Variants in UBXN2B observed in about 807,000 individuals in gnomAD.
The protein encoded by UBXN2B is UBX domain-containing protein 2B.
In UBXN2B, 19 loss-of-function variants were observed where a neutral mutation model predicts 37.5. That is an observed-to-expected ratio of 0.51 (90% CI 0.35 to 0.74). UBXN2B has a LOEUF of 0.74. Among genes scored for constraint, UBXN2B ranks in the 30% least tolerant of loss-of-function variants. UBXN2B has a pLI of 0.01. For synonymous variants in UBXN2B, 145 were observed against 143.8 expected (o/e 1.01, Z -0.06); for missense variants, 370 against 393.2 (o/e 0.94, Z 0.50).
intron 2 of UBXN2B, chr8:58,426,305 C>G: frequency 6.2e-6 from 3 of 485,870 alleles, no homozygotes; most frequent in Non-Finnish European, 1.1e-5. Flanking sequence ...CTGCTGGGTT[C>G]ATGCCATTCT....
chr8:58,423,333 C>T (rs1287365892), intron 2 of UBXN2B, among the ~76,000 whole-genome samples: 1 of 152,162 alleles, frequency 6.6e-6, no homozygotes, highest in Non-Finnish European at 1.5e-5. Context: ...GTCTCTCCGC[C>T]AACCTGCTGA....
At chr8:58,428,276 C>G (rs896311602) in intron 2 of UBXN2B, among the ~76,000 whole-genome samples, 1 of 152,190 alleles carries the variant, frequency 6.6e-6, no homozygotes, top group Non-Finnish European at 1.5e-5. Context: ...CCGCTCAACT[C>G]TTCTGAAGTT....
intron 2 of UBXN2B, among the ~76,000 whole-genome samples, chr8:58,422,804 T>G (rs1807962003): frequency 6.6e-6 from 1 of 152,184 alleles, no homozygotes; most frequent in Non-Finnish European, 1.5e-5. Flanking sequence ...TTGGCAAAAA[T>G]CATTCAGGAA....
intron 2 of UBXN2B, chr8:58,425,980 T>G: frequency 1.4e-6 from 2 of 1,447,432 alleles, no homozygotes; most frequent in East Asian, 2.3e-5. Context: ...CATGTTTTCC[T>G]TTTTCAGTTA....
chr8:58,424,983 A>G, intron 2 of UBXN2B: 1 of 791,984 alleles, frequency 1.3e-6, no homozygotes. Context: ...CTGTCCGGCC[A>G]ATTCCAGCAC....
rs1385894169 is a variant in UBXN2B, at chr8:58,433,221, A to T, written c.401A>T (p.Tyr134Phe). 6.2e-7 allele frequency: 1 copy of T among 1,610,852 alleles called. No homozygotes were observed. Among genetic ancestry groups the T allele is most frequent in the Non-Finnish European group, 8.5e-7 (1 of 1,178,428 alleles). ...SSFCKRSEYI[Y>F]GENQLQDVQI... Reference sequence around the variant, plus strand: ...TTTTGTAAGCGGTCTGAATATATCTATGGAGAAAATCAGCTGCAAGATGTA... The same window carrying T: ...TTTTGTAAGCGGTCTGAATATATCTTTGGAGAAAATCAGCTGCAAGATGTA... Residue 134 changes from tyrosine (Y) to phenylalanine (F), a missense_variant, in exon 4 of 8, where the codon TAT becomes TTT. This residue lies in a region of UBXN2B where 197 missense variants were observed against 170.2 expected (regional missense o/e 1.16). Coordinates refer to ENST00000399598, the MANE Select transcript of UBXN2B (RefSeq NM_001077619.2).
intron 6 of UBXN2B, 140 bp downstream of exon 6, chr8:58,439,910 TC>T: frequency 1.9e-5 from 12 of 646,724 alleles, no homozygotes; most frequent in Non-Finnish European, 2.7e-5. Flanking sequence ...TAATATTATA[TC>T]ATAATATTAT....
chr8:58,416,473 A>G (rs1807786108), intron 1 of UBXN2B, among the ~76,000 whole-genome samples: 1 of 152,158 alleles, frequency 6.6e-6, no homozygotes, highest in African/African-American at 2.4e-5. Context: ...AAACTATTTT[A>G]TGAGATCTGA....
At chr8:58,412,210 G>C (rs1457945003) in intron 1 of UBXN2B, among the ~76,000 whole-genome samples, 1 of 152,168 alleles carries the variant, frequency 6.6e-6, no homozygotes, top group East Asian at 1.9e-4. Flanking sequence ...ATACTAAGGA[G>C]AATCTTGGTA....
At chr8:58,416,300 A>G (rs974269735) in intron 1 of UBXN2B, among the ~76,000 whole-genome samples, 1 of 152,098 alleles carries the variant, frequency 6.6e-6, no homozygotes, top group African/African-American at 2.4e-5. Context: ...TGGTAATATT[A>G]CTTTCTAAAT....
intron 1 of UBXN2B, among the ~76,000 whole-genome samples, chr8:58,412,568 C>G (rs1807666244): frequency 6.6e-6 from 1 of 152,098 alleles, no homozygotes; most frequent in African/African-American, 2.4e-5. Flanking sequence ...GTTCCAGCTC[C>G]CATAGTTGGT....
At chr8:58,411,831 C>A (rs79397365) in intron 1 of UBXN2B, among the ~76,000 whole-genome samples, 3,169 of 152,294 alleles carry the variant, frequency 0.021, 67 homozygotes, top group East Asian at 0.11. Context: ...AGTAGACAGT[C>A]ACCTGAACAG....
At chr8:58,444,274 A>G (rs928871264) in intron 6 of UBXN2B, among the ~76,000 whole-genome samples, 1 of 152,178 alleles carries the variant, frequency 6.6e-6, no homozygotes, top group Non-Finnish European at 1.5e-5. Context: ...TTATAATGCT[A>G]ATAGCCAACT....
At chr8:58,416,007 G>A (rs115726863) in intron 1 of UBXN2B, among the ~76,000 whole-genome samples, 3,071 of 149,032 alleles carry the variant, frequency 0.021, 86 homozygotes, top group African/African-American at 0.072. Context: ...ATTTTAATCT[G>A]TTTTGTTATG....
In UBXN2B at chr8:58,447,633, G is replaced by A; in HGVS notation, c.*82G>A. On this transcript the variant is annotated 3_prime_UTR_variant, in exon 8 of 8. Transcript: ENST00000399598. Reference sequence around the variant, plus strand: ...GGACAATACTTCAGCATTAAAAACAGCCAAATTATTTTTATTATTTTTACA... The same window carrying A: ...GGACAATACTTCAGCATTAAAAACAACCAAATTATTTTTATTATTTTTACA... 7.9e-7 allele frequency: 1 copy of A among 1,273,646 alleles called. No homozygotes were observed. The highest frequency in any genetic ancestry group is 1.0e-6 in the Non-Finnish European group (1 of 970,508). 78.9% of individuals were successfully genotyped at this position (1,273,646 alleles called of 1,614,324 possible).
At chr8:58,429,595 G>A (rs1045579647) in intron 2 of UBXN2B, among the ~76,000 whole-genome samples, 1 of 152,040 alleles carries the variant, frequency 6.6e-6, no homozygotes, top group Non-Finnish European at 1.5e-5. Context: ...GTGAGAGCTG[G>A]TCTGTTCTTT....
chr8:58,432,375 C>CTTTT (rs34018318), intron 3 of UBXN2B, among the ~76,000 whole-genome samples: 1,661 of 81,484 alleles, frequency 0.02, 83 homozygotes, highest in African/African-American at 0.026. Context: ...TTCTAAATTT[C>CTTTT]TTTTTTTTTT....
chr8:58,427,112 A>T (rs1041957962), intron 2 of UBXN2B, among the ~76,000 whole-genome samples: 1 of 152,256 alleles, frequency 6.6e-6, no homozygotes, highest in African/African-American at 2.4e-5. Context: ...AGAGAACAGG[A>T]TAAAGAGAGA....
rs760177168 is a variant in UBXN2B, at chr8:58,430,514, T to G, written c.189-5T>G. ...GTTTTTATTCATGAACTAAAATGTT[T>G]AAAGGTTTTACTCAAGTGAACATGA... On this transcript the variant is annotated splice_region_variant and splice_polypyrimidine_tract_variant and intron_variant, in intron 2 of 7. Coordinates refer to ENST00000399598, the MANE Select transcript of UBXN2B (RefSeq NM_001077619.2). The G allele has an allele frequency of 6.5e-7, 1 of 1,533,236 alleles. No individual in the cohort carries two copies. Among genetic ancestry groups the G allele is most frequent in the Non-Finnish European group, 8.8e-7 (1 of 1,137,416 alleles). The allele number at this position is 1,533,236 out of a possible 1,614,324, so 95.0% of individuals were successfully genotyped here. A position where few individuals can be genotyped will look rare whatever the true frequency, so the allele number is the denominator to read the frequency against.
Sources: allele counts gnomAD v4.1 joint callset (sites outside exome capture counted in the v4.1 genomes callset), GRCh38; gene constraint gnomAD v4.1.1; regional missense constraint gnomAD v4.1.1; transcripts MANE v1.5; gene names NCBI Gene and HGNC (gene_info 2026-07-23, HGNC 2026-07-21).